The following CFAP20DC variants were observed in gnomAD, a reference collection of about 807,000 sequenced individuals.
The protein encoded by CFAP20DC is protein CFAP20DC.
CFAP20DC carries 84 observed loss-of-function variants against 101.7 expected under a neutral mutation model. That is an observed-to-expected ratio of 0.83 (90% CI 0.69 to 0.99). The LOEUF is 0.99. Among genes scored for constraint, CFAP20DC ranks in the 50% least tolerant of loss-of-function variants. The probability of loss-of-function intolerance (pLI) is 0.00; values close to 1 mark genes in which losing one functional copy is unlikely to be tolerated. For missense variants in CFAP20DC, 1,007 were observed against 970.3 expected, an observed-to-expected ratio of 1.04 and a Z score of -0.50; for synonymous variants, 359 against 351.2, an observed-to-expected ratio of 1.02 and a Z score of -0.25.
Position 59,006,233 on chromosome 3 carries a change from A to C in CFAP20DC, c.278+33324T>G, listed in dbSNP as rs2093430885. Among the ~76,000 whole-genome samples the C allele has an allele frequency of 6.6e-6, 1 of 152,152 alleles. No individual in the cohort carries two copies. Among genetic ancestry groups the C allele is most frequent in the African/African-American group, 2.4e-5 (1 of 41,428 alleles). ...TACTGTCATCCCAGCAACCAGAATAAGCCAAGAAAACTATAAAATCATGAC... is the reference window on the plus strand; with the variant it reads ...TACTGTCATCCCAGCAACCAGAATACGCCAAGAAAACTATAAAATCATGAC... On this transcript the variant is annotated intron_variant, in intron 4 of 16. Transcript: ENST00000482387. This position sits in a 1 kb window ranked among gnomAD's most constrained non-coding sequence, Gnocchi z 4.3.
chr3:58,825,543 A>ACACACACT (rs2075984468), intron 14 of CFAP20DC, among the ~76,000 whole-genome samples: 1 of 151,804 alleles, frequency 6.6e-6, no homozygotes, highest in Non-Finnish European at 1.5e-5. Context: ...AAGAAAACAC[A>ACACACACT]CACACACACA....
At chr3:58,836,011 G>C (rs1435268714) in intron 13 of CFAP20DC, among the ~76,000 whole-genome samples, 1 of 152,146 alleles carries the variant, frequency 6.6e-6, no homozygotes. Flanking sequence ...TTTGTCCTAG[G>C]AACGAGGCAA....
Position 58,742,129 on chromosome 3 carries a change from A to G in CFAP20DC, c.*331T>C, listed in dbSNP as rs2067908024. 1.1e-6 allele frequency: 1 copy of G among 929,596 alleles called. No individual in the cohort carries two copies. The highest frequency in any genetic ancestry group is 1.3e-6 in the Non-Finnish European group (1 of 777,610). 57.6% of individuals were successfully genotyped at this position (929,596 alleles called of 1,614,324 possible). A position where few individuals can be genotyped will look rare whatever the true frequency, so the allele number is the denominator to read the frequency against. On this transcript the variant is annotated 3_prime_UTR_variant, in exon 17 of 17. Coordinates refer to ENST00000482387, the MANE Select transcript of CFAP20DC (RefSeq NM_001394063.1). ...GCCATCATTTACAGATTAACACTGCAAAAAATTTGAATGAATAACTCTTAA... is the reference window on the plus strand; with the variant it reads ...GCCATCATTTACAGATTAACACTGCGAAAAATTTGAATGAATAACTCTTAA...
intron 14 of CFAP20DC, among the ~76,000 whole-genome samples, chr3:58,830,410 T>G (rs927903357): frequency 4.6e-5 from 7 of 152,056 alleles, no homozygotes; most frequent in Admixed American, 3.9e-4. Context: ...CTCAAGAGCC[T>G]CCATTACTCA....
At chr3:58,953,790 C>G (rs1167133282) in intron 4 of CFAP20DC, 1 of 152,088 alleles carries the variant, frequency 6.6e-6, no homozygotes, top group Non-Finnish European at 1.5e-5. Context: ...GTAATACAGG[C>G]TTGATTTTCA....
In CFAP20DC at chr3:58,729,416, AATTG is replaced by A. The variant is rs540658080; in HGVS notation, c.198-11792_198-11789del. ...TTTTGTGTCTTGTATACAGTAAAAC[AATTG>A]ATTTTTATATAATGACTTTTATCCA... On this transcript the variant is annotated intron_variant, in intron 3 of 3. Coordinates refer to the CFAP20DC transcript ENST00000486145. The surrounding 1 kb of genome is among the most constrained non-coding windows in gnomAD (Gnocchi z 4.4). Among the ~76,000 whole-genome samples, 630 of 152,272 alleles carry A rather than the reference AATTG, an allele frequency of 4.1e-3. 7 individuals carry two copies. The highest frequency in any genetic ancestry group is 0.01 in the Middle Eastern group (3 of 294).
rs1198888706 is a variant in CFAP20DC at position 58,845,780 on chromosome 3, A to C, written c.1971+3252T>G. ...AAATCCTCAATAAAATACTGGCAAA[A>C]CGAATCCAGCAGCACATCAAAAAGC... On this transcript the variant is annotated intron_variant, in intron 13 of 16. Transcript: ENST00000482387. 1.8e-4 allele frequency among the ~76,000 whole-genome samples: 27 copies of C among 149,352 alleles called. No individual in the cohort carries two copies. The South Asian group carries it at 3.0e-3, about 17-fold the overall frequency.
intron 4 of CFAP20DC, among the ~76,000 whole-genome samples, chr3:58,963,793 G>T (rs935895592): frequency 1.3e-5 from 2 of 152,136 alleles, no homozygotes; most frequent in South Asian, 4.1e-4. Flanking sequence ...AGAACTGATT[G>T]AACAGATTAC....
chr3:58,978,553 A>T (rs1382314769), intron 4 of CFAP20DC, among the ~76,000 whole-genome samples: 1 of 151,964 alleles, frequency 6.6e-6, no homozygotes, highest in Non-Finnish European at 1.5e-5. Flanking sequence ...TGCTAAAAAT[A>T]CAAAAATTAG....
Position 58,845,805 on chromosome 3 carries a change from C to A in CFAP20DC, c.1971+3227G>T, listed in dbSNP as rs1330731541. ...ACGAATCCAGCAGCACATCAAAAAG[C>A]TTATCCACCATGATCAAGTGGGCTT... On this transcript the variant is annotated intron_variant, in intron 13 of 16. Transcript: ENST00000482387. Among the ~76,000 whole-genome samples the A allele has an allele frequency of 2.0e-5, 3 of 150,682 alleles. No homozygotes were observed. In the East Asian group the frequency reaches 5.8e-4, roughly 29 times the overall value.
At position 59,008,156 on chromosome 3, in the gene CFAP20DC, C is replaced by T. The variant is rs146219400; in HGVS notation, c.278+31401G>A. On this transcript the variant is annotated intron_variant, in intron 4 of 16. Transcript: ENST00000482387. ...GAAGCACACCCCAGATTCAGGCCGACAGAGGAAGAGTCACAATTCCTCCCT... is the reference window on the plus strand; with the variant it reads ...GAAGCACACCCCAGATTCAGGCCGATAGAGGAAGAGTCACAATTCCTCCCT... Among the ~76,000 whole-genome samples, 573 of 152,240 alleles carry T rather than the reference C, an allele frequency of 3.8e-3. 2 individuals carry two copies. Among genetic ancestry groups the T allele is most frequent in the Non-Finnish European group, 6.2e-3 (425 of 68,008 alleles).
chr3:58,921,693 G>C (rs929044012), intron 5 of CFAP20DC, among the ~76,000 whole-genome samples: 1 of 152,152 alleles, frequency 6.6e-6, no homozygotes, highest in Non-Finnish European at 1.5e-5. Context: ...AAAATTATGT[G>C]TATTCTGCAC....
Position 58,722,485 on chromosome 3 carries a change from T to G in CFAP20DC, c.198-4857A>C, listed in dbSNP as rs2067486700. Among the ~76,000 whole-genome samples the G allele has an allele frequency of 6.6e-6, 1 of 152,126 alleles. No homozygotes were observed. The highest frequency in any genetic ancestry group is 6.5e-5 in the Admixed American group (1 of 15,282). On this transcript the variant is annotated intron_variant, in intron 3 of 3. Coordinates refer to the CFAP20DC transcript ENST00000486145. The surrounding 1 kb of genome is among the most constrained non-coding windows in gnomAD (Gnocchi z 4.5). ...TCGGTTACAATCATCTGAACTATCA[T>G]CAGATTGGAACTCAGAGGTTCTGTT...
chr3:58,761,169 CT>C (rs1420372064), intron 15 of CFAP20DC, among the ~76,000 whole-genome samples: 4 of 152,128 alleles, frequency 2.6e-5, no homozygotes, highest in Admixed American at 6.5e-5. Context: ...TGGTTCTGGA[CT>C]TTTTTTGGTT....
At chr3:58,808,233 C>G (rs1374344586) in intron 14 of CFAP20DC, among the ~76,000 whole-genome samples, 3 of 152,174 alleles carry the variant, frequency 2.0e-5, no homozygotes, top group South Asian at 4.1e-4. Context: ...GACACTCCTC[C>G]AGAAGAGCAA....
At chr3:58,980,133 T>G (rs1233299000) in intron 4 of CFAP20DC, among the ~76,000 whole-genome samples, 1 of 152,122 alleles carries the variant, frequency 6.6e-6, no homozygotes, top group East Asian at 1.9e-4. Flanking sequence ...ATATATCCCT[T>G]CTTAAATTCA....
chr3:58,770,569 G>C lies in CFAP20DC; in HGVS notation c.2238-16706C>G, dbSNP rs2070752924. 2.0e-5 allele frequency among the ~76,000 whole-genome samples: 3 copies of C among 152,202 alleles called. No individual in the cohort carries two copies. The South Asian group carries it at 6.2e-4, about 31-fold the overall frequency. Reference sequence around the variant, plus strand: ...AGGATGAGAATGAGGCAGCCAGATAGTGAAGAGATGGAAGAATATTCTAGA... The same window carrying C: ...AGGATGAGAATGAGGCAGCCAGATACTGAAGAGATGGAAGAATATTCTAGA... On this transcript the variant is annotated intron_variant, in intron 15 of 16. Transcript: ENST00000482387.
chr3:58,766,733 A>T (rs2070349753), intron 15 of CFAP20DC, among the ~76,000 whole-genome samples: 1 of 152,190 alleles, frequency 6.6e-6, no homozygotes, highest in Non-Finnish European at 1.5e-5. Context: ...TGCTCTGGCC[A>T]CGCTGGTCTT....
intron 4 of CFAP20DC, among the ~76,000 whole-genome samples, chr3:58,994,060 C>A (rs1487274787): frequency 6.6e-6 from 1 of 152,170 alleles, no homozygotes; most frequent in African/African-American, 2.4e-5. Context: ...GGTGAATTTC[C>A]AAGGAGACAC....
Sources: allele counts gnomAD v4.1 joint callset (sites outside exome capture counted in the v4.1 genomes callset), GRCh38; gene constraint gnomAD v4.1.1; non-coding constraint Gnocchi (gnomAD v3.1); transcripts MANE v1.5; gene names NCBI Gene and HGNC (gene_info 2026-07-23, HGNC 2026-07-21).